Variants in PRKG1 observed in about 807,000 individuals in gnomAD.
PRKG1 encodes the protein protein kinase cGMP-dependent 1.
A neutral mutation model predicts 88.1 loss-of-function variants in PRKG1; 35 were observed. The observed-to-expected ratio is 0.40, with a 90% CI of 0.30 to 0.53. The LOEUF (loss-of-function observed/expected upper bound fraction) is 0.53, where lower values mean the gene tolerates loss of function less well. Among genes scored for constraint, PRKG1 ranks in the 20% least tolerant of loss-of-function variants. The pLI is 0.59. For missense variants in PRKG1, 540 were observed against 839.8 expected, an observed-to-expected ratio of 0.64 and a Z score of 4.41; for synonymous variants, 303 against 292.5, an observed-to-expected ratio of 1.04 and a Z score of -0.37.
At chr10:51,058,584 A>G (rs1056092882) in intron 1 of PRKG1, among the ~76,000 whole-genome samples, 1 of 152,132 alleles carries the variant, frequency 6.6e-6, no homozygotes, top group African/African-American at 2.4e-5. Flanking sequence ...TTGCTTCTCT[A>G]GGTTTGTATA....
rs182496906 is a variant in PRKG1 at position 51,389,573 on chromosome 10, C to T, written c.479-78150C>T. 1.6e-3 allele frequency among the ~76,000 whole-genome samples: 237 copies of T among 152,200 alleles called. 1 individual carries two copies. Among genetic ancestry groups the T allele is most frequent in the African/African-American group, 5.6e-3 (233 of 41,524 alleles). On this transcript the variant is annotated intron_variant, in intron 2 of 17. Transcript: ENST00000373980. ...GACAGCTCTAGGTTTGCACTTTCAC[C>T]CTTCTACTTGGTGGGTGTCCCATCA...
intron 2 of PRKG1, among the ~76,000 whole-genome samples, chr10:51,163,337 G>A (rs2131991765): frequency 6.6e-6 from 1 of 152,220 alleles, no homozygotes; most frequent in South Asian, 2.1e-4. Context: ...AGCTTTATTA[G>A]AAAAAGCATC....
chr10:52,242,871 G>C (rs537837332), intron 9 of PRKG1, among the ~76,000 whole-genome samples: 3 of 151,590 alleles, frequency 2.0e-5, no homozygotes, highest in African/African-American at 7.3e-5. Context: ...ACTCCAGCCT[G>C]AGTGACAGAC....
At chr10:51,747,386 A>T (rs1837608688) in intron 3 of PRKG1, among the ~76,000 whole-genome samples, 1 of 152,222 alleles carries the variant, frequency 6.6e-6, no homozygotes, top group African/African-American at 2.4e-5. Context: ...GGCAGAATTC[A>T]GCATGCTTCC....
intron 1 of PRKG1, among the ~76,000 whole-genome samples, chr10:50,994,950 G>T (rs1161221261): frequency 6.6e-6 from 1 of 152,114 alleles, no homozygotes; most frequent in Non-Finnish European, 1.5e-5. Context: ...GAGTTAAAGT[G>T]TATGAAAGGA....
chr10:51,801,263 C>T (rs1037256198), intron 3 of PRKG1, among the ~76,000 whole-genome samples: 1 of 152,062 alleles, frequency 6.6e-6, no homozygotes, highest in Non-Finnish European at 1.5e-5. Flanking sequence ...TGGGCATGGC[C>T]GTGTTCCAGT....
At chr10:51,001,518 G>A (rs1031853552) in intron 1 of PRKG1, among the ~76,000 whole-genome samples, 21 of 152,078 alleles carry the variant, frequency 1.4e-4, no homozygotes, top group African/African-American at 4.6e-4. Flanking sequence ...TTAAAACTAT[G>A]TGTTTTTTGT....
At chr10:51,965,011 TATAG>T (rs1262694228) in intron 5 of PRKG1, among the ~76,000 whole-genome samples, 6 of 152,150 alleles carry the variant, frequency 3.9e-5, no homozygotes, top group Non-Finnish European at 5.9e-5. Context: ...AAAGCATGAA[TATAG>T]GCATTGAAAT....
chr10:51,852,528 A>T (rs1840586187), intron 4 of PRKG1, among the ~76,000 whole-genome samples: 2 of 152,102 alleles, frequency 1.3e-5, no homozygotes, highest in African/African-American at 4.8e-5. Context: ...CATCTTAGAG[A>T]TGAAAGAACT....
At chr10:52,220,480 A>G (rs1048596265) in intron 9 of PRKG1, among the ~76,000 whole-genome samples, 2 of 151,996 alleles carry the variant, frequency 1.3e-5, no homozygotes, top group Non-Finnish European at 2.9e-5. Context: ...AACTTGTGTC[A>G]TGGGGGTATG....
chr10:51,837,410 T>C (rs1429632160), intron 4 of PRKG1, among the ~76,000 whole-genome samples: 2 of 152,200 alleles, frequency 1.3e-5, no homozygotes, highest in Admixed American at 6.5e-5. Flanking sequence ...TACTTTATGT[T>C]CTGAAACTGT....
At chr10:51,707,314 A>G (rs1031638875) in intron 3 of PRKG1, among the ~76,000 whole-genome samples, 2 of 151,248 alleles carry the variant, frequency 1.3e-5, no homozygotes, top group African/African-American at 4.9e-5. Flanking sequence ...ATTTAACACC[A>G]CATCGTTCTG....
intron 7 of PRKG1, among the ~76,000 whole-genome samples, chr10:52,124,290 C>T (rs1291999100): frequency 6.6e-6 from 1 of 152,184 alleles, no homozygotes; most frequent in Non-Finnish European, 1.5e-5. Flanking sequence ...TAGCCTACTA[C>T]ATACCTAAGC....
chr10:51,106,782 ACAT>A, intron 1 of PRKG1, among the ~76,000 whole-genome samples: 1 of 152,320 alleles, frequency 6.6e-6, no homozygotes, highest in East Asian at 1.9e-4. Context: ...CATGGTGGGG[ACAT>A]CAGAGAGATA....
intron 5 of PRKG1, among the ~76,000 whole-genome samples, chr10:51,945,357 G>A (rs996094613): frequency 4.0e-5 from 6 of 149,990 alleles, no homozygotes; most frequent in Non-Finnish European, 7.4e-5. Context: ...GTCTCTGCAC[G>A]TGAGATGAGT....
At chr10:51,834,349 A>G (rs1840073849) in intron 4 of PRKG1, among the ~76,000 whole-genome samples, 1 of 152,118 alleles carries the variant, frequency 6.6e-6, no homozygotes, top group Non-Finnish European at 1.5e-5. Context: ...TATTGAAAGT[A>G]AGGGAGGGGG....
At chr10:51,741,490 T>C (rs1837432232) in intron 3 of PRKG1, among the ~76,000 whole-genome samples, 1 of 152,118 alleles carries the variant, frequency 6.6e-6, no homozygotes, top group Non-Finnish European at 1.5e-5. Context: ...AAAAATTATT[T>C]TTCTGGGAGG....
chr10:51,626,766 A>G (rs1259805741), intron 3 of PRKG1, among the ~76,000 whole-genome samples: 1 of 152,182 alleles, frequency 6.6e-6, no homozygotes, highest in Non-Finnish European at 1.5e-5. Context: ...GTCAGTGTTG[A>G]GATCACTCTT....
intron 3 of PRKG1, among the ~76,000 whole-genome samples, chr10:51,601,220 C>T (rs748799955): frequency 4.2e-4 from 64 of 152,014 alleles, no homozygotes; most frequent in Non-Finnish European, 7.8e-4. Flanking sequence ...ATGTTTGGGA[C>T]AGATTAGCTA....
Sources: gnomAD v4.1 joint callset for allele counts (sites outside exome capture counted in the v4.1 genomes callset) on GRCh38, gnomAD v4.1.1 for gene constraint, MANE v1.5 for transcripts, NCBI Gene and HGNC (gene_info 2026-07-23, HGNC 2026-07-21) for gene names.